CACNA1A: variants seen among roughly 807,000 people sequenced by gnomAD.
CACNA1A encodes calcium voltage-gated channel subunit alpha1 A, also known as voltage-dependent P/Q-type calcium channel subunit alpha-1A.
In CACNA1A, 57 loss-of-function variants were observed where a neutral mutation model predicts 262.4. That is an observed-to-expected ratio of 0.22 (90% CI 0.18 to 0.27). The LOEUF is 0.27. Ranked by LOEUF, CACNA1A falls within the 10% of genes least tolerant of loss-of-function variation. The probability of loss-of-function intolerance (pLI) is 1.00; values close to 1 mark genes in which losing one functional copy is unlikely to be tolerated. For synonymous variants in CACNA1A, 1,431 were observed against 1,419.3 expected (o/e 1.01, Z -0.18); for missense variants, 2,526 against 3,562.8 (o/e 0.71, Z 7.41).
chr19:13,374,803 G>A (rs2059378480), intron 3 of CACNA1A, among the ~76,000 whole-genome samples: 1 of 152,088 alleles, frequency 6.6e-6, no homozygotes, highest in Non-Finnish European at 1.5e-5. Flanking sequence ...GTGTGGGGGA[G>A]ACTGAGAGTA....
rs1231892605 is a variant in CACNA1A at position 13,317,332 on chromosome 19, A to G, written c.1346-11T>C. 6.3e-7 allele frequency: 1 copy of G among 1,591,726 alleles called. No individual in the cohort carries two copies. The highest frequency in any genetic ancestry group is 1.3e-5 in the African/African-American group (1 of 74,546). On this transcript the variant is annotated splice_polypyrimidine_tract_variant and intron_variant, in intron 10 of 46. Transcript: ENST00000360228. ...GGGCGAAGGGAGAACCTGCCAGGGA[A>G]AAGATGGAGAATGTCAGGCTCAGGC...
intron 31 of CACNA1A, among the ~76,000 whole-genome samples, chr19:13,240,051 T>C (rs2056019680): frequency 1.3e-5 from 2 of 151,398 alleles, no homozygotes; most frequent in South Asian, 4.2e-4. Flanking sequence ...CTCAGGAGGC[T>C]GAGGCATCAT....
At chr19:13,229,993 G>A (rs1314243642) in intron 36 of CACNA1A, 89 bp downstream of exon 36, 3 of 1,463,102 alleles carry the variant, frequency 2.1e-6, no homozygotes, top group Non-Finnish European at 2.8e-6. Context: ...GGAGTTCAGT[G>A]CTCCAGAGTC....
At position 13,208,871 on chromosome 19, in the gene CACNA1A, G is replaced by A. The variant is rs1336146310; in HGVS notation, c.6665C>T (p.Pro2222Leu). The change falls in exon 46 of 47, where the codon CCC (proline) becomes CTC (leucine). Residue 2222 changes from proline to leucine, a missense_variant. Pro to Leu is a moderately conservative substitution (Grantham distance 98). This residue lies in a region of CACNA1A where 929 missense variants were observed against 868.1 expected (regional missense o/e 1.07). Coordinates refer to ENST00000360228, the MANE Select transcript of CACNA1A (RefSeq NM_001127222.2). ...HHHHHHHHPP[P>L]PDKDRYAQER... Reference sequence around the variant, plus strand: ...CTGGGCATAGCGGTCCTTGTCGGGGGGCGGGGGATGGTGGTGGTGGTGGTG... The same window carrying A: ...CTGGGCATAGCGGTCCTTGTCGGGGAGCGGGGGATGGTGGTGGTGGTGGTG... 1.2e-5 allele frequency: 18 copies of A among 1,535,936 alleles called. No individual in the cohort carries two copies. The highest frequency in any genetic ancestry group is 2.7e-5 in the African/African-American group (2 of 73,002).
chr19:13,232,941 C>T (rs1037875703), intron 34 of CACNA1A, among the ~76,000 whole-genome samples: 12 of 145,238 alleles, frequency 8.3e-5, no homozygotes, highest in East Asian at 2.1e-4. Context: ...CTCAGCTACT[C>T]GGGAGGCTGA....
Position 13,298,726 on chromosome 19 carries a change from C to T in CACNA1A, c.2907G>A (p.Pro969=), listed in dbSNP as rs772557121. 140 of 1,498,900 alleles carry T rather than the reference C, an allele frequency of 9.3e-5. No individual in the cohort carries two copies. The highest frequency in any genetic ancestry group is 2.2e-4 in the Admixed American group (10 of 44,618). 92.9% of individuals were successfully genotyped at this position (1,498,900 alleles called of 1,614,324 possible). ...GCGCCCTCCGCTCCGCCTTGTCCTC[C>T]GGACCCTCCTCCCCGGGCCTGCGGT... is the stretch of plus-strand genomic sequence containing the variant. ...RAHRRPGEEG[P]EDKAERRARH... Residue 969 remains proline (P), a synonymous_variant, in exon 19 of 47, where the codon CCG becomes CCA. Coordinates refer to ENST00000360228, the MANE Select transcript of CACNA1A (RefSeq NM_001127222.2).
At chr19:13,454,769 C>T (rs151096488) in intron 2 of CACNA1A, among the ~76,000 whole-genome samples, 37 of 152,074 alleles carry the variant, frequency 2.4e-4, no homozygotes, top group Non-Finnish European at 5.1e-4. Context: ...CCTAAGCAAC[C>T]TAGTGAGATC....
In CACNA1A at chr19:13,413,716, TA is replaced by T. The variant is rs547824574; in HGVS notation, c.539+39159del. On this transcript the variant is annotated intron_variant, in intron 3 of 46. Transcript: ENST00000360228. Reference sequence around the variant, plus strand: ...CAACATAGCGAAACCCCGTCTCTACTAAAAAAAAAAAAAAAATTGCCGGGTG... The same window carrying T: ...CAACATAGCGAAACCCCGTCTCTACTAAAAAAAAAAAAAAATTGCCGGGTG... Among the ~76,000 whole-genome samples, 796 of 123,374 alleles carry T rather than the reference TA, an allele frequency of 6.5e-3. 4 individuals are homozygous for T. Among genetic ancestry groups the T allele is most frequent in the African/African-American group, 0.014 (463 of 33,784 alleles). 80.9% of individuals were successfully genotyped at this position (123,374 alleles called of 152,430 possible). A position where few individuals can be genotyped will look rare whatever the true frequency, so the allele number is the denominator to read the frequency against.
At chr19:13,242,537 C>G (rs2056107718) in intron 31 of CACNA1A, among the ~76,000 whole-genome samples, 4 of 152,100 alleles carry the variant, frequency 2.6e-5, no homozygotes, top group South Asian at 4.1e-4. Context: ...CTCAAGTGAT[C>G]CACCTGCCTT....
At chr19:13,497,893 T>C (rs1258625364) in intron 1 of CACNA1A, among the ~76,000 whole-genome samples, 2 of 151,914 alleles carry the variant, frequency 1.3e-5, no homozygotes, top group East Asian at 1.9e-4. Context: ...AGACTGAGGC[T>C]CCACAACTGT....
chr19:13,415,512 G>A (rs1173818061), intron 3 of CACNA1A, among the ~76,000 whole-genome samples: 1 of 151,660 alleles, frequency 6.6e-6, no homozygotes, highest in Admixed American at 6.6e-5. Context: ...AGGCCGAGGC[G>A]GGAGGATCAC....
At chr19:13,346,619 TATATATATATATA>T (rs2058769050) in intron 6 of CACNA1A, among the ~76,000 whole-genome samples, 2 of 3,772 alleles carry the variant, frequency 5.3e-4, no homozygotes, top group Admixed American at 4.0e-3. Context: ...TAATTGATTA[TATATATATATATA>T]TATATATATA....
intron 9 of CACNA1A, among the ~76,000 whole-genome samples, chr19:13,330,657 C>T (rs1055265043): frequency 6.6e-6 from 1 of 152,130 alleles, no homozygotes; most frequent in Non-Finnish European, 1.5e-5. Flanking sequence ...GTGGTGTGAT[C>T]TTGGCTTACT....
chr19:13,466,349 C>T (rs1356850896), intron 1 of CACNA1A, among the ~76,000 whole-genome samples: 1 of 141,530 alleles, frequency 7.1e-6, no homozygotes, highest in African/African-American at 2.6e-5. Flanking sequence ...AAGACGGAGT[C>T]TTGCACCTAA....
At chr19:13,221,218 T>TTTTCTTTTCTTTTCTTTCTTTCTTTC (rs1555734399) in intron 38 of CACNA1A, among the ~76,000 whole-genome samples, 3 of 25,668 alleles carry the variant, frequency 1.2e-4, no homozygotes, top group African/African-American at 4.0e-4. Flanking sequence ...TTGTTTTTTC[T>TTTTCTTTTCTTTTCTTTCTTTCTTTC]TTTCTTTCTT....
chr19:13,323,697 C>T lies in CACNA1A; in HGVS notation c.1346-6376G>A, dbSNP rs115012085. Among the ~76,000 whole-genome samples, 400 of 152,246 alleles carry T rather than the reference C, an allele frequency of 2.6e-3. 1 individual carries two copies. The highest frequency in any genetic ancestry group is 8.9e-3 in the African/African-American group (369 of 41,544). On this transcript the variant is annotated intron_variant, in intron 10 of 46. Transcript: ENST00000360228. Reference sequence around the variant, plus strand: ...CCTTATCAGATGTATTGTTTGCAAACGTTTTCTCACATTCCTTAGGTTGTC... The same window carrying T: ...CCTTATCAGATGTATTGTTTGCAAATGTTTTCTCACATTCCTTAGGTTGTC...
chr19:13,475,387 T>C (rs899543966), intron 1 of CACNA1A, among the ~76,000 whole-genome samples: 1 of 152,164 alleles, frequency 6.6e-6, no homozygotes, highest in Non-Finnish European at 1.5e-5. Flanking sequence ...TCTTTGTGCA[T>C]CCATGACAGT....
chr19:13,453,114 C>G (rs2060944946), intron 2 of CACNA1A, 99 bp from the exon 3 acceptor site: 2 of 1,255,610 alleles, frequency 1.6e-6, no homozygotes, highest in Non-Finnish European at 1.2e-6. Flanking sequence ...ATCACCCTCT[C>G]ACTTCCCCTG....
rs186909415 is a variant in CACNA1A, at chr19:13,497,573, T to C, written c.293+8359A>G. On this transcript the variant is annotated intron_variant, in intron 1 of 46. Coordinates refer to ENST00000360228, the MANE Select transcript of CACNA1A (RefSeq NM_001127222.2). ...ATATATATATATATATATATATATA[T>C]ATATATAAATTTATGTTGTTAAAGC... 1.4e-4 allele frequency among the ~76,000 whole-genome samples: 5 copies of C among 35,626 alleles called. No individual in the cohort carries two copies. In the South Asian group the frequency reaches 5.5e-3, roughly 39 times the overall value. The allele number at this position is 35,626 out of a possible 152,430, so 23.4% of individuals were successfully genotyped here. A position where few individuals can be genotyped will look rare whatever the true frequency, so the allele number is the denominator to read the frequency against.
Sources: allele counts gnomAD v4.1 joint callset (sites outside exome capture counted in the v4.1 genomes callset), GRCh38; gene constraint gnomAD v4.1.1; regional missense constraint gnomAD v4.1.1; transcripts MANE v1.5; gene names NCBI Gene and HGNC (gene_info 2026-07-23, HGNC 2026-07-21).